Variants in RALGAPA1 observed in about 807,000 individuals in gnomAD.
RALGAPA1 encodes the protein Ral GTPase activating protein catalytic subunit alpha 1.
Under a neutral mutation model 269.6 loss-of-function variants are expected in RALGAPA1, and 52 were observed. That is an observed-to-expected ratio of 0.19 (90% CI 0.15 to 0.24). The LOEUF (loss-of-function observed/expected upper bound fraction) is 0.24, where lower values mean the gene tolerates loss of function less well. Among genes scored for constraint, RALGAPA1 ranks in the 10% least tolerant of loss-of-function variants. The pLI is 1.00. For missense variants in RALGAPA1, 1,917 were observed against 3,013.9 expected, an observed-to-expected ratio of 0.64 and a Z score of 8.52; for synonymous variants, 817 against 1,008.3, an observed-to-expected ratio of 0.81 and a Z score of 3.60.
chr14:35,750,832 A>G lies in RALGAPA1; in HGVS notation c.803-142T>C, dbSNP rs2072614193. On this transcript the variant is annotated intron_variant, in intron 8 of 41. Transcript: ENST00000680220. ...GCTTTAGCACAGAAATGACATTTCA[A>G]AATTTGCCAGATGTTTGCATGGAAC... 7.0e-6 allele frequency: 5 copies of G among 709,678 alleles called. No homozygotes were observed. The South Asian group carries it at 1.0e-4, about 14-fold the overall frequency. The allele number at this position is 709,678 out of a possible 1,614,324, so 44.0% of individuals were successfully genotyped here. A position where few individuals can be genotyped will look rare whatever the true frequency, so the allele number is the denominator to read the frequency against.
chr14:35,589,351 A>G (rs1218326334), intron 37 of RALGAPA1, among the ~76,000 whole-genome samples: 1 of 152,174 alleles, frequency 6.6e-6, no homozygotes, highest in East Asian at 1.9e-4. Flanking sequence ...CATAATGACT[A>G]TAGTTAAGAA....
At chr14:35,602,407 G>A (rs193239087) in intron 36 of RALGAPA1, among the ~76,000 whole-genome samples, 37 of 152,228 alleles carry the variant, frequency 2.4e-4, no homozygotes, top group African/African-American at 8.4e-4. Flanking sequence ...TTTCCACAGT[G>A]GCTGCACATT....
intron 12 of RALGAPA1, among the ~76,000 whole-genome samples, chr14:35,737,979 T>G (rs191692390): frequency 1.7e-3 from 260 of 151,014 alleles, no homozygotes; most frequent in African/African-American, 5.5e-3. Flanking sequence ...TCCCAGCTAC[T>G]TGGGAGGCTG....
chr14:35,618,922 T>C (rs1362106489), intron 35 of RALGAPA1, among the ~76,000 whole-genome samples: 2 of 152,218 alleles, frequency 1.3e-5, no homozygotes, highest in Middle Eastern at 3.4e-3. Flanking sequence ...AGAATGATGA[T>C]TATGATGGTG....
Position 35,689,845 on chromosome 14 carries a change from G to A in RALGAPA1, c.2566C>T (p.Arg856Ter). 3 of 1,600,080 alleles carry A rather than the reference G, an allele frequency of 1.9e-6. No individual in the cohort carries two copies. The highest frequency in any genetic ancestry group is 2.6e-6 in the Non-Finnish European group (3 of 1,175,144). Residue 856 changes from arginine (R) to a stop codon, truncating the protein, a stop_gained, in exon 18 of 42, where the codon CGA becomes TGA. Transcript: ENST00000680220. LOFTEE classifies it high-confidence loss of function. ...ATGACAGGAACTGCACCTTTGGCTC[G>A]TTCAACAGTGAATGGTTCCAAGATG... The part of the protein sequence containing the change: ...SDILEPFTVE[R>*]AKGAVPVIDS...
chr14:35,752,250 G>C (rs2072781051), intron 7 of RALGAPA1, 88 bp from the exon 8 acceptor site: 1 of 1,330,588 alleles, frequency 7.5e-7, no homozygotes, highest in Non-Finnish European at 9.9e-7. Flanking sequence ...GCTTGTAAAA[G>C]GTTGCAATAC....
chr14:35,570,308 T>C (rs895566321), intron 39 of RALGAPA1, among the ~76,000 whole-genome samples: 1 of 149,844 alleles, frequency 6.7e-6, no homozygotes, highest in African/African-American at 2.5e-5. Flanking sequence ...AAATATATCA[T>C]TCAAATATAA....
In RALGAPA1 at chr14:35,688,553, A is replaced by G. The variant is rs1397466907; in HGVS notation, c.3858T>C (p.Asn1286=). 2 of 1,536,082 alleles carry G rather than the reference A, an allele frequency of 1.3e-6. No individual in the cohort carries two copies. Among genetic ancestry groups the G allele is most frequent in the Admixed American group, 3.9e-5 (2 of 51,002 alleles). Residue 1286 remains asparagine (N), a synonymous_variant, in exon 18 of 42, where the codon AAT becomes AAC. Coordinates refer to ENST00000680220, the MANE Select transcript of RALGAPA1 (RefSeq NM_001346249.2). ...TTCTGTTCTGCCTCTGTGGGGAAACATTTGCCTTCGGCTTCGAAAGAGCAT... is the reference window on the plus strand; with the variant it reads ...TTCTGTTCTGCCTCTGTGGGGAAACGTTTGCCTTCGGCTTCGAAAGAGCAT... ...VVHALSKPKA[N]VSPQRQNRMP...
At chr14:35,551,944 C>A (rs1281932177) in intron 39 of RALGAPA1, among the ~76,000 whole-genome samples, 1 of 152,072 alleles carries the variant, frequency 6.6e-6, no homozygotes, top group Non-Finnish European at 1.5e-5. Flanking sequence ...GGGAAGCAAT[C>A]ATTAACGGTT....
chr14:35,707,647 G>A (rs896413793), intron 16 of RALGAPA1: 6 of 152,216 alleles, frequency 3.9e-5, no homozygotes, highest in South Asian at 2.1e-4. Context: ...GGAAGTATTC[G>A]TTCTGCTTCT....
Position 35,655,920 on chromosome 14 carries a change from A to G in RALGAPA1, c.5388-5T>C. The G allele has an allele frequency of 1.2e-6, 2 of 1,612,572 alleles. No homozygotes were observed. Among genetic ancestry groups the G allele is most frequent in the Non-Finnish European group, 1.7e-6 (2 of 1,179,362 alleles). ...AAACTACAAAGTGCTACACATCTGCAAAAAAGGCAAACAACAACGGTTACA... is the reference window on the plus strand; with the variant it reads ...AAACTACAAAGTGCTACACATCTGCGAAAAAGGCAAACAACAACGGTTACA... On this transcript the variant is annotated splice_region_variant and splice_polypyrimidine_tract_variant and intron_variant, in intron 28 of 41. Coordinates refer to ENST00000680220, the MANE Select transcript of RALGAPA1 (RefSeq NM_001346249.2).
chr14:35,731,287 A>C (rs1451788591), intron 12 of RALGAPA1, among the ~76,000 whole-genome samples: 1 of 152,200 alleles, frequency 6.6e-6, no homozygotes, highest in Non-Finnish European at 1.5e-5. Context: ...AATGAGAAGG[A>C]ACCAGAAAAC....
chr14:35,702,125 A>C (rs1050140178), intron 16 of RALGAPA1, among the ~76,000 whole-genome samples: 24 of 152,194 alleles, frequency 1.6e-4, no homozygotes, highest in African/African-American at 5.6e-4. Flanking sequence ...CTGATCTTTG[A>C]ATCCCTACTC....
intron 9 of RALGAPA1, among the ~76,000 whole-genome samples, chr14:35,749,738 T>C (rs2072492217): frequency 6.6e-6 from 1 of 152,004 alleles, no homozygotes; most frequent in Non-Finnish European, 1.5e-5. Flanking sequence ...TAAAGATAAA[T>C]AAACTAAGAG....
At chr14:35,731,057 T>C (rs2070427895) in intron 12 of RALGAPA1, among the ~76,000 whole-genome samples, 1 of 152,192 alleles carries the variant, frequency 6.6e-6, no homozygotes, top group Non-Finnish European at 1.5e-5. Flanking sequence ...TCACATCACA[T>C]GACTCTGTGC....
chr14:35,788,602 T>C (rs983227153), intron 1 of RALGAPA1, among the ~76,000 whole-genome samples: 7 of 152,112 alleles, frequency 4.6e-5, no homozygotes, highest in East Asian at 1.9e-4. Context: ...TTCAGCAACA[T>C]AGTGAGGGGT....
At chr14:35,641,109 T>C (rs1027553167) in intron 31 of RALGAPA1, among the ~76,000 whole-genome samples, 2 of 151,982 alleles carry the variant, frequency 1.3e-5, no homozygotes, top group East Asian at 1.9e-4. Flanking sequence ...ATAAAAGCCA[T>C]ATTAGGACAG....
intron 4 of RALGAPA1, chr14:35,766,055 T>TGG (rs2074115140): frequency 7.4e-7 from 1 of 1,342,976 alleles, no homozygotes; most frequent in South Asian, 1.2e-5. Flanking sequence ...GAAGCTCAGG[T>TGG]GGGAGTGCAG....
At chr14:35,552,804 G>T (rs2055154877) in intron 39 of RALGAPA1, among the ~76,000 whole-genome samples, 1 of 150,922 alleles carries the variant, frequency 6.6e-6, no homozygotes, top group South Asian at 2.1e-4. Context: ...TCTACAAAAG[G>T]AAAAAAGGGG....
Sources: gnomAD v4.1 joint callset for allele counts (sites outside exome capture counted in the v4.1 genomes callset) on GRCh38, gnomAD v4.1.1 for gene constraint, MANE v1.5 for transcripts, NCBI Gene and HGNC (gene_info 2026-07-23, HGNC 2026-07-21) for gene names.